CCDC68: variants seen among roughly 807,000 people sequenced by gnomAD.
CCDC68 encodes the protein coiled-coil domain containing 68.
Under a neutral mutation model 47.1 loss-of-function variants are expected in CCDC68, and 45 were observed. The observed-to-expected ratio is 0.96, with a 90% CI of 0.75 to 1.23. CCDC68 has a LOEUF of 1.23. Ranked by LOEUF, CCDC68 falls within the 50% of genes most tolerant of loss-of-function variation. The pLI is 0.00. For synonymous variants in CCDC68, 131 were observed against 129.5 expected, an observed-to-expected ratio of 1.01 and a Z score of -0.08; for missense variants, 353 against 373.6, an observed-to-expected ratio of 0.94 and a Z score of 0.45.
intron 11 of CCDC68, among the ~76,000 whole-genome samples, chr18:54,904,840 T>A (rs1330816109): frequency 6.6e-6 from 1 of 152,184 alleles, no homozygotes; most frequent in Non-Finnish European, 1.5e-5. Context: ...TTTAAAACTG[T>A]AAGTATGTGT....
rs1164105724 is a variant in CCDC68, at chr18:54,902,187, T to C, written c.*2171A>G. ...GTCATAATTTCCTCACTGTTATCAT[T>C]TTTGCATAGGTGGTTTCACCACTGT... On this transcript the variant is annotated 3_prime_UTR_variant, in exon 12 of 12. Transcript: ENST00000591504. 1 of 152,214 alleles carries C rather than the reference T, an allele frequency of 6.6e-6. No homozygotes were observed. Among genetic ancestry groups the C allele is most frequent in the East Asian group, 1.9e-4 (1 of 5,206 alleles). 9.4% of individuals were successfully genotyped at this position (152,214 alleles called of 1,614,324 possible).
In CCDC68 at chr18:54,957,531, C is replaced by A. The variant is rs114857446; in HGVS notation, c.-103+1805G>T. Among the ~76,000 whole-genome samples the A allele has an allele frequency of 1.7e-3, 266 of 152,068 alleles. 2 individuals carry two copies. The highest frequency in any genetic ancestry group is 6.0e-3 in the African/African-American group (250 of 41,464). ...GGTTCTCCCACACAGAACACAGTGT[C>A]CTCAATAAATATTGTTTCAATGAAT... On this transcript the variant is annotated intron_variant, in intron 1 of 11. Transcript: ENST00000591504.
At chr18:54,927,672 G>A (rs1761140143) in intron 8 of CCDC68, among the ~76,000 whole-genome samples, 1 of 152,194 alleles carries the variant, frequency 6.6e-6, no homozygotes, top group South Asian at 2.1e-4. Context: ...AATGTTCAGT[G>A]TTATAAAACT....
Position 54,942,622 on chromosome 18 carries a change from G to C in CCDC68, c.117+53C>G, listed in dbSNP as rs1023106969. On this transcript the variant is annotated intron_variant, in intron 3 of 11. Coordinates refer to ENST00000591504, the MANE Select transcript of CCDC68 (RefSeq NM_025214.3). ...AAACAAAATCCTCCAGCCCATATTG[G>C]AATTTCTCTTTAAAAAATCATATCA... 2.5e-4 allele frequency: 274 copies of C among 1,099,316 alleles called. 1 individual carries two copies. The African/African-American group carries it at 4.0e-3, about 16-fold the overall frequency. 68.1% of individuals were successfully genotyped at this position (1,099,316 alleles called of 1,614,324 possible).
At chr18:54,923,440 TAAA>T (rs541934468) in intron 8 of CCDC68, among the ~76,000 whole-genome samples, 4 of 130,260 alleles carry the variant, frequency 3.1e-5, no homozygotes, top group African/African-American at 5.7e-5. Context: ...TCACTGTAAG[TAAA>T]AAAAAAAAAA....
intron 8 of CCDC68, among the ~76,000 whole-genome samples, chr18:54,927,412 G>C (rs2044164537): frequency 6.6e-6 from 1 of 151,650 alleles, no homozygotes; most frequent in African/African-American, 2.4e-5. Flanking sequence ...TTGGCTCAAA[G>C]ACAGACAATA....
chr18:54,938,157 A>G, intron 4 of CCDC68, 60 bp from the exon 5 acceptor site: 2 of 1,523,984 alleles, frequency 1.3e-6, no homozygotes, highest in South Asian at 1.3e-5. Context: ...AACTTTGACA[A>G]CAATAATGAT....
At chr18:54,918,413 G>A (rs2043992282) in intron 9 of CCDC68, among the ~76,000 whole-genome samples, 2 of 152,222 alleles carry the variant, frequency 1.3e-5, no homozygotes, top group African/African-American at 2.4e-5. Context: ...ATAATAAGGT[G>A]AGCCTGCTTT....
intron 8 of CCDC68, among the ~76,000 whole-genome samples, chr18:54,928,561 T>A (rs2044184909): frequency 6.6e-6 from 1 of 152,150 alleles, no homozygotes; most frequent in African/African-American, 2.4e-5. Context: ...CCTGCAGGGT[T>A]CCCTGCACCC....
At chr18:54,926,411 T>A (rs554799076) in intron 8 of CCDC68, among the ~76,000 whole-genome samples, 70 of 152,278 alleles carry the variant, frequency 4.6e-4, no homozygotes, top group African/African-American at 1.6e-3. Context: ...TCAGAACTTG[T>A]GAGAACTCAT....
chr18:54,942,202 CAT>C (rs2044449867), intron 3 of CCDC68, among the ~76,000 whole-genome samples: 1 of 152,182 alleles, frequency 6.6e-6, no homozygotes, highest in South Asian at 2.1e-4. Context: ...TAAGACTTCA[CAT>C]GTTTAATGAA....
intron 4 of CCDC68, among the ~76,000 whole-genome samples, chr18:54,939,915 G>A (rs897389323): frequency 9.9e-5 from 15 of 151,838 alleles, no homozygotes; most frequent in East Asian, 2.0e-4. Flanking sequence ...TGTGGTCTAC[G>A]GTCCCAGCAG....
chr18:54,930,672 TTCCC>T (rs1346077027), intron 7 of CCDC68, among the ~76,000 whole-genome samples: 1 of 9,820 alleles, frequency 1.0e-4, no homozygotes, highest in Non-Finnish European at 1.9e-4. Context: ...CCTTCCTTCC[TTCCC>T]TCCCTCCCTC....
At chr18:54,941,202 G>A (rs2044431928) in intron 3 of CCDC68, 119 bp from the exon 4 acceptor site, 3 of 634,098 alleles carry the variant, frequency 4.7e-6, no homozygotes, top group East Asian at 2.8e-5. Flanking sequence ...TACATATATT[G>A]ATCTCAGATT....
chr18:54,937,064 T>G, intron 5 of CCDC68, 106 bp from the exon 6 acceptor site: 1 of 1,041,780 alleles, frequency 9.6e-7, no homozygotes, highest in Non-Finnish European at 1.4e-6. Flanking sequence ...ACTATACCAT[T>G]TACAGCCTCA....
intron 1 of CCDC68, among the ~76,000 whole-genome samples, chr18:54,947,086 A>C (rs2044541168): frequency 6.6e-6 from 1 of 152,258 alleles, no homozygotes; most frequent in Admixed American, 6.5e-5. Context: ...TAAGCCGGCG[A>C]AGTCCAAATT....
rs187292979 is a variant in CCDC68 at position 54,944,480 on chromosome 18, G to A, written c.-13+908C>T. On this transcript the variant is annotated intron_variant, in intron 2 of 11. Transcript: ENST00000591504. Reference sequence around the variant, plus strand: ...CACAAAACCCATCCTGAAGAAGAATGTCTATGATGGATTGAAACTTATCAA... The same window carrying A: ...CACAAAACCCATCCTGAAGAAGAATATCTATGATGGATTGAAACTTATCAA... Among the ~76,000 whole-genome samples, 27 of 152,144 alleles carry A rather than the reference G, an allele frequency of 1.8e-4. No homozygotes were observed. In the East Asian group the frequency reaches 5.0e-3, roughly 28 times the overall value.
intron 10 of CCDC68, among the ~76,000 whole-genome samples, chr18:54,911,810 C>T (rs959822523): frequency 1.2e-4 from 19 of 152,164 alleles, no homozygotes; most frequent in African/African-American, 3.4e-4. Context: ...CCCAGTTTCT[C>T]GACCAATTCA....
At position 54,934,956 on chromosome 18, in the gene CCDC68, C is replaced by CAA; in HGVS notation, c.472-9_472-8insTT. 6.4e-7 allele frequency: 1 copy of CAA among 1,572,244 alleles called. No individual in the cohort carries two copies. Among genetic ancestry groups the CAA allele is most frequent in the Non-Finnish European group, 8.6e-7 (1 of 1,163,458 alleles). On this transcript the variant is annotated splice_polypyrimidine_tract_variant and intron_variant, in intron 6 of 11. Coordinates refer to ENST00000591504, the MANE Select transcript of CCDC68 (RefSeq NM_025214.3). ...TTTTTCAAGCTTGTTAACCTATGGT[C>CAA]AGAGAATCAGTTGTGTTGTGAAAAC...
Sources: allele counts gnomAD v4.1 joint callset (sites outside exome capture counted in the v4.1 genomes callset), GRCh38; gene constraint gnomAD v4.1.1; transcripts MANE v1.5; gene names NCBI Gene and HGNC (gene_info 2026-07-23, HGNC 2026-07-21).